Variants in EEIG1 observed in about 807,000 individuals in gnomAD.
EEIG1 encodes the protein estrogen-induced osteoclastogenesis regulator 1.
the EEIG1 span, among the ~76,000 whole-genome samples, chr9:127,976,871 T>C: frequency 6.6e-6 from 1 of 152,066 alleles, no homozygotes; most frequent in Non-Finnish European, 1.5e-5. The surrounding 1 kb of genome is among the most constrained non-coding windows in gnomAD (Gnocchi z 4.1). Flanking sequence ...AAATATGCTA[T>C]TGATCTGGGT....
At chr9:127,968,164 T>C in the EEIG1 span, among the ~76,000 whole-genome samples, 2 of 151,880 alleles carry the variant, frequency 1.3e-5, no homozygotes, top group Admixed American at 1.3e-4. Flanking sequence ...GACCAGCAGG[T>C]GGCCTAGGCA....
At chr9:127,979,657 C>A in the EEIG1 span, among the ~76,000 whole-genome samples, 1 of 152,332 alleles carries the variant, frequency 6.6e-6, no homozygotes, top group Non-Finnish European at 1.5e-5. Context: ...AGTTCGGGTG[C>A]AAGGTGGCCT....
chr9:127,975,190 C>T, the EEIG1 span, among the ~76,000 whole-genome samples: 5 of 152,330 alleles, frequency 3.3e-5, no homozygotes, highest in African/African-American at 9.6e-5. Flanking sequence ...CTGGGCCTGG[C>T]GTGGGGCCCC....
At chr9:127,943,770 C>G in the EEIG1 span, 1 of 157,108 alleles carries the variant, frequency 6.4e-6, no homozygotes, top group South Asian at 1.8e-4. Flanking sequence ...CATAAGGAAG[C>G]CAGCCCCTCA....
the EEIG1 span, chr9:127,979,862 C>T: frequency 8.5e-7 from 1 of 1,176,772 alleles, no homozygotes; most frequent in Non-Finnish European, 1.2e-6. Context: ...CCTTGTGCAA[C>T]CTGCCCCAGG....
the EEIG1 span, among the ~76,000 whole-genome samples, chr9:127,949,816 C>T: frequency 6.6e-6 from 1 of 152,210 alleles, no homozygotes; most frequent in Admixed American, 6.5e-5. Context: ...GACGGACACC[C>T]AGACATTTCT....
the EEIG1 span, chr9:127,980,098 T>C: frequency 1.2e-6 from 2 of 1,613,454 alleles, no homozygotes; most frequent in African/African-American, 1.3e-5. Flanking sequence ...GTGAAAGTAG[T>C]TTGGAATTTG....
At chr9:127,944,198 T>G in the EEIG1 span, 1 of 249,040 alleles carries the variant, frequency 4.0e-6, no homozygotes, top group Non-Finnish European at 7.9e-6. Context: ...ACTTAGGGCC[T>G]AGTGCCTAGC....
At chr9:127,945,354 CAGT>C in the EEIG1 span, 1 of 1,570,558 alleles carries the variant, frequency 6.4e-7, no homozygotes, top group Non-Finnish European at 8.6e-7. This position sits in a 1 kb window ranked among gnomAD's most constrained non-coding sequence, Gnocchi z 6.5. Flanking sequence ...GGGCACCAAG[CAGT>C]AGGCCTCACC....
the EEIG1 span, among the ~76,000 whole-genome samples, chr9:127,946,249 T>C: frequency 5.9e-5 from 9 of 151,916 alleles, no homozygotes; most frequent in Admixed American, 3.9e-4. Context: ...GTCAGCGGAG[T>C]TGGAGTGGAA....
the EEIG1 span, among the ~76,000 whole-genome samples, chr9:127,978,341 G>A: frequency 1.3e-5 from 2 of 152,048 alleles, no homozygotes; most frequent in Non-Finnish European, 2.9e-5. Flanking sequence ...GCAAGCCACT[G>A]ACTTCCTCTT....
the EEIG1 span, chr9:127,945,486 G>A: frequency 5.1e-6 from 8 of 1,567,144 alleles, no homozygotes; most frequent in South Asian, 3.5e-5. This position sits in a 1 kb window ranked among gnomAD's most constrained non-coding sequence, Gnocchi z 6.5. Flanking sequence ...CCCCAGAGGC[G>A]CTGCTGCTGG....
chr9:127,950,379 C>T, the EEIG1 span: 1 of 1,597,206 alleles, frequency 6.3e-7, no homozygotes, highest in African/African-American at 1.3e-5. Context: ...TGGTTTGTCC[C>T]CATCCCGTGG....
chr9:127,955,779 C>G, the EEIG1 span, among the ~76,000 whole-genome samples: 1 of 152,352 alleles, frequency 6.6e-6, no homozygotes, highest in South Asian at 2.1e-4. Context: ...TGAGGAGCCC[C>G]CTCCAGGCTC....
chr9:127,953,823 G>A, the EEIG1 span: 4 of 1,613,890 alleles, frequency 2.5e-6, no homozygotes, highest in Admixed American at 3.3e-5. Context: ...CAGACACACG[G>A]AAGACACAGG....
chr9:127,951,504 C>G, the EEIG1 span, among the ~76,000 whole-genome samples: 1 of 152,274 alleles, frequency 6.6e-6, no homozygotes, highest in Non-Finnish European at 1.5e-5. Flanking sequence ...GAGTGATCCC[C>G]ATTTTATAGA....
chr9:127,948,150 C>T, the EEIG1 span: 2 of 1,613,946 alleles, frequency 1.2e-6, no homozygotes, highest in Non-Finnish European at 1.7e-6. Flanking sequence ...CACTGCTGGT[C>T]CCACCACCCT....
the EEIG1 span, chr9:127,944,571 C>G: frequency 2.8e-6 from 4 of 1,438,740 alleles, no homozygotes; most frequent in Non-Finnish European, 3.9e-6. Flanking sequence ...CTCTCACCCC[C>G]AAGCCCCAGC....
At chr9:127,946,862 TCTAA>T in the EEIG1 span, among the ~76,000 whole-genome samples, 29 of 152,286 alleles carry the variant, frequency 1.9e-4, no homozygotes, top group African/African-American at 3.6e-4. Flanking sequence ...AGGCCTGTGC[TCTAA>T]CTGATTCTGT....
Sources: allele counts gnomAD v4.1 joint callset (sites outside exome capture counted in the v4.1 genomes callset), GRCh38; gene constraint gnomAD v4.1.1; non-coding constraint Gnocchi (gnomAD v3.1); transcripts MANE v1.5; gene names NCBI Gene and HGNC (gene_info 2026-07-23, HGNC 2026-07-21).